Variants in KCP observed in about 807,000 individuals in gnomAD.
KCP encodes kielin cysteine rich BMP regulator.
A neutral mutation model predicts 212.7 loss-of-function variants in KCP; 194 were observed. The ratio of observed to expected loss-of-function variants is 0.91; its 90% CI spans 0.81 to 1.03. KCP has a LOEUF of 1.03. KCP is among the 50% of genes least tolerant of loss of function. KCP has a pLI of 0.00. For synonymous variants in KCP, 833 were observed against 865.3 expected, an observed-to-expected ratio of 0.96 and a Z score of 0.65; for missense variants, 2,080 against 2,162.5, an observed-to-expected ratio of 0.96 and a Z score of 0.76.
intron 22 of KCP, 130 bp from the exon 23 acceptor site, chr7:128,887,430 CAT>C (rs970020579): frequency 2.8e-5 from 20 of 719,010 alleles, no homozygotes; most frequent in East Asian, 2.4e-4. Context: ...CACACACACA[CAT>C]ACCCATATAC....
intron 37 of KCP, 68 bp from the exon 38 acceptor site, chr7:128,878,790 A>G (rs1793144991): frequency 2.1e-6 from 3 of 1,460,298 alleles, no homozygotes; most frequent in South Asian, 2.6e-5. Flanking sequence ...AGGGTCCATC[A>G]TGGCCCCAGG....
rs1241799336 is a variant in KCP, at chr7:128,877,021, C to G, written c.*22G>C. The G allele has an allele frequency of 4.6e-6, 7 of 1,536,552 alleles. No individual in the cohort carries two copies. Among genetic ancestry groups the G allele is most frequent in the South Asian group, 2.4e-5 (2 of 81,864 alleles). ...AGGGGAGACTCCTGGCCTGATGAAC[C>G]CTTATCAGGCACTGTCCTGGCTCAG... On this transcript the variant is annotated 3_prime_UTR_variant, in exon 40 of 40. Coordinates refer to ENST00000610776, the MANE Select transcript of KCP (RefSeq NM_001366122.1).
intron 6 of KCP, 105 bp downstream of exon 6, chr7:128,903,951 C>T: frequency 2.9e-6 from 4 of 1,368,046 alleles, no homozygotes; most frequent in Non-Finnish European, 4.1e-6. Flanking sequence ...GGCTCCACCT[C>T]TCGGGAGGCA....
At chr7:128,884,227 G>T in intron 28 of KCP, 105 bp from the exon 29 acceptor site, 1 of 1,399,710 alleles carries the variant, frequency 7.1e-7, no homozygotes, top group Non-Finnish European at 9.5e-7. Context: ...GCCTCTTCCG[G>T]GACATGTCTT....
In KCP at chr7:128,907,284, G is replaced by A. The variant is rs1196375947; in HGVS notation, c.389C>T (p.Ala130Val). 9 of 1,535,186 alleles carry A rather than the reference G, an allele frequency of 5.9e-6. No individual in the cohort carries two copies. In the East Asian group the frequency reaches 2.2e-4, roughly 38 times the overall value. ...QDGAAHCGPQ[A>V]HLPHCRGCSQ... ...CTTACCCCTGCAATGGGGCAGGTGT[G>A]CTTGGGGGCCACAGTGAGCGGCCCC... The change falls in exon 3 of 40, where the codon GCA becomes GTA. Residue 130 changes from alanine to valine, a missense_variant. Coordinates refer to ENST00000610776, the MANE Select transcript of KCP (RefSeq NM_001366122.1).
chr7:128,885,127 C>T lies in KCP; in HGVS notation c.3010G>A (p.Gly1004Arg). ...CATTGAGGACAGCAGTCATGGGGCC[C>T]TTGGCGGGGCTGGGCGCAAGAGCTG... is the stretch of plus-strand genomic sequence containing the variant. ...CISSCAQPRQGPHDCCPQCSD... is the reference protein window; with the variant it reads ...CISSCAQPRQRPHDCCPQCSD... Residue 1004 changes from glycine (G) to arginine (R), a missense_variant, in exon 27 of 40, where the codon GGG becomes AGG. Transcript: ENST00000610776. 6.4e-7 allele frequency: 1 copy of T among 1,550,868 alleles called. No individual in the cohort carries two copies. The highest frequency in any genetic ancestry group is 8.7e-7 in the Non-Finnish European group (1 of 1,147,008).
intron 8 of KCP, among the ~76,000 whole-genome samples, chr7:128,897,369 C>T (rs1585238726): frequency 6.6e-6 from 1 of 152,194 alleles, no homozygotes; most frequent in African/African-American, 2.4e-5. Flanking sequence ...AGTACTTTCT[C>T]TTGGTCTCTG....
intron 7 of KCP, 175 bp from the exon 8 acceptor site, chr7:128,903,034 G>C: frequency 1.6e-6 from 1 of 617,240 alleles, no homozygotes. Flanking sequence ...CCCAGGCAGG[G>C]TGAGGCCTCA....
In KCP at chr7:128,908,421, G is replaced by A. The variant is rs1795269096; in HGVS notation, c.219+5C>T. The A allele has an allele frequency of 4.5e-6, 7 of 1,550,498 alleles. No homozygotes were observed. The East Asian group carries it at 7.3e-5, about 16-fold the overall frequency. On this transcript the variant is annotated splice_donor_5th_base_variant and intron_variant, in intron 2 of 39. Coordinates refer to ENST00000610776, the MANE Select transcript of KCP (RefSeq NM_001366122.1). ...CAATGCAAACCAGCACTGTCTCCAT[G>A]GTACCTGTTCTCTGAGCTCCATCAC... is the stretch of plus-strand genomic sequence containing the variant.
chr7:128,903,474 C>T (rs1431461997), intron 7 of KCP: 3 of 553,970 alleles, frequency 5.4e-6, no homozygotes, highest in African/African-American at 3.8e-5. Flanking sequence ...GATTGGGGAG[C>T]ACAAAGTAGA....
Position 128,885,305 on chromosome 7 carries a change from G to A in KCP, c.2867-35C>T, listed in dbSNP as rs760754286. On this transcript the variant is annotated intron_variant, in intron 26 of 39. Coordinates refer to ENST00000610776, the MANE Select transcript of KCP (RefSeq NM_001366122.1). ...AAAGTGGGCAGGGACGAGCTCGGAG[G>A]TTGAGATCTGGACATCTGCTCCTGG... 7 of 1,513,982 alleles carry A rather than the reference G, an allele frequency of 4.6e-6. No individual in the cohort carries two copies. The South Asian group carries it at 7.6e-5, about 17-fold the overall frequency. The allele number at this position is 1,513,982 out of a possible 1,614,324, so 93.8% of individuals were successfully genotyped here. A position where few individuals can be genotyped will look rare whatever the true frequency, so the allele number is the denominator to read the frequency against.
chr7:128,885,018 C>A (rs1793558845), intron 27 of KCP, 79 bp downstream of exon 27: 2 of 1,538,606 alleles, frequency 1.3e-6, no homozygotes, highest in South Asian at 2.4e-5. Flanking sequence ...GTCTCTGCCA[C>A]CCGGCCCAGC....
chr7:128,908,377 A>G (rs756618615), intron 2 of KCP, 49 bp downstream of exon 2: 501 of 1,511,388 alleles, frequency 3.3e-4, no homozygotes, highest in Non-Finnish European at 4.0e-4. Flanking sequence ...CCCTCCCACT[A>G]TGAGAAGCCC....
chr7:128,902,965 C>A (rs1794939778), intron 7 of KCP, 106 bp from the exon 8 acceptor site: 1 of 835,398 alleles, frequency 1.2e-6, no homozygotes. Flanking sequence ...GGGCTCTCTC[C>A]CGAGCCAAGA....
rs1793020077 is a variant in KCP, at chr7:128,876,871, C to A, written c.*172G>T. Reference sequence around the variant, plus strand: ...ACACACACACAAGGAAGCCTTCGGGCAGGCCTAGAGTTTACTGCTGGTGAC... The same window carrying A: ...ACACACACACAAGGAAGCCTTCGGGAAGGCCTAGAGTTTACTGCTGGTGAC... On this transcript the variant is annotated 3_prime_UTR_variant, in exon 40 of 40. Coordinates refer to ENST00000610776, the MANE Select transcript of KCP (RefSeq NM_001366122.1). 5 of 675,762 alleles carry A rather than the reference C, an allele frequency of 7.4e-6. No individual in the cohort carries two copies. Among genetic ancestry groups the A allele is most frequent in the African/African-American group, 1.9e-5 (1 of 52,544 alleles). 41.9% of individuals were successfully genotyped at this position (675,762 alleles called of 1,614,324 possible).
chr7:128,888,119 T>TACACACACAC (rs199831809), intron 22 of KCP, among the ~76,000 whole-genome samples: 40 of 118,036 alleles, frequency 3.4e-4, no homozygotes, highest in African/African-American at 1.2e-3. Context: ...GCTACAGCCA[T>TACACACACAC]ACACACACAC....
chr7:128,883,843 T>A (rs992930918), intron 29 of KCP, among the ~76,000 whole-genome samples, 159 bp downstream of exon 29: 2 of 152,212 alleles, frequency 1.3e-5, no homozygotes, highest in African/African-American at 4.8e-5. Flanking sequence ...GCTTCCCCAG[T>A]TCCCTTAGGG....
In KCP at chr7:128,908,344, C is replaced by T. The variant is rs1378730009; in HGVS notation, c.219+82G>A. ...ATAAGAGCTCTATTTTAGGCTCCCC[C>T]CTCCAAGCCTAACTCCTTCTCTCCC... On this transcript the variant is annotated intron_variant, in intron 2 of 39. Coordinates refer to ENST00000610776, the MANE Select transcript of KCP (RefSeq NM_001366122.1). 3.0e-6 allele frequency: 4 copies of T among 1,322,374 alleles called. No homozygotes were observed. In the African/African-American group the frequency reaches 4.5e-5, roughly 15 times the overall value. The allele number at this position is 1,322,374 out of a possible 1,614,324, so 81.9% of individuals were successfully genotyped here.
chr7:128,893,126 G>T, intron 13 of KCP, 105 bp from the exon 14 acceptor site: 1 of 1,150,366 alleles, frequency 8.7e-7, no homozygotes, highest in Non-Finnish European at 1.3e-6. Flanking sequence ...TGACACTGTA[G>T]AATGGCTAGT....
Sources: gnomAD v4.1 joint callset for allele counts (sites outside exome capture counted in the v4.1 genomes callset) on GRCh38, gnomAD v4.1.1 for gene constraint, MANE v1.5 for transcripts, NCBI Gene and HGNC (gene_info 2026-07-23, HGNC 2026-07-21) for gene names.